Variants in SPRR2G observed in about 807,000 individuals in gnomAD.
SPRR2G encodes small proline-rich protein 2G.
A neutral mutation model predicts 0.7 loss-of-function variants in SPRR2G; 1 was observed. The observed-to-expected ratio is 1.49, with a 90% CI of 0.53 to 7.06. The LOEUF (loss-of-function observed/expected upper bound fraction) is 7.06, where lower values mean the gene tolerates loss of function less well. SPRR2G is among the 30% of genes most tolerant of loss of function. SPRR2G has a pLI of 0.14. For missense variants in SPRR2G, 96 were observed against 88.5 expected (o/e 1.09, Z -0.34); for synonymous variants, 38 against 33.9 (o/e 1.12, Z -0.42).
chr1:153,198,972 T>G, the SPRR2G span, among the ~76,000 whole-genome samples: 1 of 152,150 alleles, frequency 6.6e-6, no homozygotes, highest in Non-Finnish European at 1.5e-5. Flanking sequence ...AGTCTACCCA[T>G]GTCACAGAGG....
the SPRR2G span, among the ~76,000 whole-genome samples, chr1:153,189,749 T>C: frequency 4.2e-3 from 643 of 152,212 alleles, 4 homozygotes; most frequent in African/African-American, 0.015. Flanking sequence ...TTGTAAGTCA[T>C]AGGGGTAGTA....
the SPRR2G span, among the ~76,000 whole-genome samples, chr1:153,189,493 T>A: frequency 3.9e-5 from 6 of 152,072 alleles, no homozygotes; most frequent in Non-Finnish European, 7.4e-5. Flanking sequence ...AATGAACTTA[T>A]AAGAGCTGTC....
chr1:153,197,123 A>AG, the SPRR2G span, among the ~76,000 whole-genome samples: 4 of 146,600 alleles, frequency 2.7e-5, 1 homozygote, highest in African/African-American at 1.0e-4. Flanking sequence ...GGGTCTCACC[A>AG]GGCAGAGAAT....
chr1:153,187,296 T>TC, the SPRR2G span, among the ~76,000 whole-genome samples: 1 of 152,216 alleles, frequency 6.6e-6, no homozygotes, highest in East Asian at 1.9e-4. Flanking sequence ...AAGTGTGTTT[T>TC]CCAACTTGGT....
the SPRR2G span, among the ~76,000 whole-genome samples, chr1:153,160,380 C>A: frequency 6.6e-6 from 1 of 152,204 alleles, no homozygotes; most frequent in Non-Finnish European, 1.5e-5. Flanking sequence ...GAGAATGCAG[C>A]TATCTCTTAG....
the SPRR2G span, among the ~76,000 whole-genome samples, chr1:153,200,412 G>A: frequency 2.0e-5 from 3 of 152,200 alleles, no homozygotes; most frequent in East Asian, 1.9e-4. Flanking sequence ...CCTGGCCAGC[G>A]TTGACAAAAA....
At chr1:153,164,053 T>G in the SPRR2G span, among the ~76,000 whole-genome samples, 1 of 152,238 alleles carries the variant, frequency 6.6e-6, no homozygotes. Flanking sequence ...GAAAGAGAAC[T>G]TCCTTTTATA....
At chr1:153,194,433 T>A in the SPRR2G span, among the ~76,000 whole-genome samples, 1 of 152,206 alleles carries the variant, frequency 6.6e-6, no homozygotes, top group Non-Finnish European at 1.5e-5. Flanking sequence ...TTGATAAACT[T>A]AGGAAGTGCT....
At chr1:153,188,761 C>T in the SPRR2G span, among the ~76,000 whole-genome samples, 5 of 152,328 alleles carry the variant, frequency 3.3e-5, no homozygotes, top group Non-Finnish European at 7.3e-5. Flanking sequence ...TCTGCCCAAA[C>T]AGCCACCTAG....
the SPRR2G span, among the ~76,000 whole-genome samples, chr1:153,169,374 G>A: frequency 6.6e-6 from 1 of 152,030 alleles, no homozygotes; most frequent in Admixed American, 6.6e-5. Context: ...GATCATCTTG[G>A]CCAACATGGT....
the SPRR2G span, among the ~76,000 whole-genome samples, chr1:153,162,407 G>T: frequency 2.6e-5 from 4 of 152,174 alleles, no homozygotes; most frequent in Non-Finnish European, 5.9e-5. Flanking sequence ...CATGTCCTCT[G>T]TTGAATGGAG....
chr1:153,177,804 G>A, the SPRR2G span, among the ~76,000 whole-genome samples: 1 of 151,640 alleles, frequency 6.6e-6, no homozygotes, highest in African/African-American at 2.4e-5. Context: ...TTCCAAGATT[G>A]TTTAAACTTT....
At chr1:153,159,082 T>A in the SPRR2G span, among the ~76,000 whole-genome samples, 2 of 152,214 alleles carry the variant, frequency 1.3e-5, no homozygotes, top group African/African-American at 4.8e-5. Flanking sequence ...CTGGAGACAT[T>A]TACCCATTGT....
chr1:153,167,091 T>C, the SPRR2G span, among the ~76,000 whole-genome samples: 1 of 152,124 alleles, frequency 6.6e-6, no homozygotes, highest in Non-Finnish European at 1.5e-5. Context: ...AAAATATATA[T>C]GAGATATTTG....
chr1:153,191,404 G>A, the SPRR2G span: 3 of 152,108 alleles, frequency 2.0e-5, no homozygotes, highest in African/African-American at 7.2e-5. Flanking sequence ...CACACTACTT[G>A]GCCTTGAAAA....
At chr1:153,169,024 C>T in the SPRR2G span, among the ~76,000 whole-genome samples, 4 of 152,138 alleles carry the variant, frequency 2.6e-5, no homozygotes, top group South Asian at 2.1e-4. Context: ...TAAGTGGACC[C>T]GCTCTTGGCC....
chr1:153,171,719 C>T, the SPRR2G span, among the ~76,000 whole-genome samples: 1 of 152,280 alleles, frequency 6.6e-6, no homozygotes, highest in Admixed American at 6.5e-5. Flanking sequence ...AGATGGTGGT[C>T]CCATCTCCCT....
At chr1:153,185,980 T>C in the SPRR2G span, among the ~76,000 whole-genome samples, 5 of 152,234 alleles carry the variant, frequency 3.3e-5, no homozygotes, top group Non-Finnish European at 5.9e-5. Context: ...TACCCAGTAA[T>C]CATTCAGGGG....
the SPRR2G span, among the ~76,000 whole-genome samples, chr1:153,193,296 A>G: frequency 6.6e-6 from 1 of 152,064 alleles, no homozygotes; most frequent in Non-Finnish European, 1.5e-5. Context: ...TTTCCACAGC[A>G]CGCTGAACAA....
Sources: allele counts gnomAD v4.1 joint callset (sites outside exome capture counted in the v4.1 genomes callset), GRCh38; gene constraint gnomAD v4.1.1; transcripts MANE v1.5; gene names NCBI Gene and HGNC (gene_info 2026-07-23, HGNC 2026-07-21).